PRR16: variants seen among roughly 807,000 people sequenced by gnomAD.
PRR16 encodes the protein protein Largen.
A neutral mutation model predicts 18.2 loss-of-function variants in PRR16; 6 were observed. The observed-to-expected ratio is 0.33, with a 90% CI of 0.18 to 0.65. PRR16 has a LOEUF of 0.65. PRR16 is among the 30% of genes least tolerant of loss of function. The pLI is 0.74. For missense variants in PRR16, 412 were observed against 376.6 expected (o/e 1.09, Z -0.78); for synonymous variants, 151 against 147.8 (o/e 1.02, Z -0.16).
At chr5:120,588,480 A>G (rs1561560691) in intron 1 of PRR16, among the ~76,000 whole-genome samples, 1 of 152,210 alleles carries the variant, frequency 6.6e-6, no homozygotes, top group Non-Finnish European at 1.5e-5. Context: ...GCTATTGCTA[A>G]CAAGGCAAGA....
chr5:120,714,339 G>A, the PRR16 span, among the ~76,000 whole-genome samples: 223 of 152,244 alleles, frequency 1.5e-3, no homozygotes, highest in Admixed American at 2.3e-3. Flanking sequence ...GACTTGGAGT[G>A]GGAGGTATAG....
At chr5:120,690,189 C>G (rs1446252677), downstream of PRR16, among the ~76,000 whole-genome samples, 1 of 152,126 alleles carries the variant, frequency 6.6e-6, no homozygotes, top group Non-Finnish European at 1.5e-5. Context: ...ATGACTAGAG[C>G]AGCAGCTACT....
At position 120,667,221 on chromosome 5, in the gene PRR16, G is replaced by C. The variant is rs185843705; in HGVS notation, c.160-18733G>C. On this transcript the variant is annotated intron_variant, in intron 1 of 1. Transcript: ENST00000407149. Reference sequence around the variant, plus strand: ...ATGTGTCGAGGAATTTATCCATTTAGATTTTCTAGTTTATTTGCGTAGAGG... The same window carrying C: ...ATGTGTCGAGGAATTTATCCATTTACATTTTCTAGTTTATTTGCGTAGAGG... Among the ~76,000 whole-genome samples the C allele has an allele frequency of 1.4e-4, 19 of 138,230 alleles. No individual in the cohort carries two copies. The East Asian group carries it at 3.7e-3, about 27-fold the overall frequency. The allele number at this position is 138,230 out of a possible 152,430, so 90.7% of individuals were successfully genotyped here. A position where few individuals can be genotyped will look rare whatever the true frequency, so the allele number is the denominator to read the frequency against.
chr5:120,766,726 A>AATAG, the PRR16 span, among the ~76,000 whole-genome samples: 1 of 151,984 alleles, frequency 6.6e-6, no homozygotes, highest in Non-Finnish European at 1.5e-5. Context: ...TTGGGTATAC[A>AATAG]ATAGATGATT....
At chr5:120,728,287 T>A in the PRR16 span, among the ~76,000 whole-genome samples, 1 of 150,948 alleles carries the variant, frequency 6.6e-6, no homozygotes, top group Non-Finnish European at 1.5e-5. Context: ...AATAGTTTGA[T>A]ATAGTAACAG....
chr5:120,674,345 G>C (rs1305063835), intron 1 of PRR16, among the ~76,000 whole-genome samples: 1 of 152,112 alleles, frequency 6.6e-6, no homozygotes, highest in Non-Finnish European at 1.5e-5. Flanking sequence ...TATTGTGCCA[G>C]AATATCTCGT....
rs1188619712 is a variant in PRR16, at chr5:120,686,152, C to G, written c.358C>G (p.Pro120Ala). ...TGCTATCCTCACGGTCCTGAGAAAGCCAAACCCTCCACCACCTCCTCCAAG... is the reference window on the plus strand; with the variant it reads ...TGCTATCCTCACGGTCCTGAGAAAGGCAAACCCTCCACCACCTCCTCCAAG... ...PSAILTVLRK[P>A]NPPPPPPRLT... Residue 120 changes from proline (P) to alanine (A), a missense_variant, in exon 2 of 2, where the codon CCA becomes GCA. By Grantham distance (27) the Pro-to-Ala change is conservative. Coordinates refer to ENST00000407149, the MANE Select transcript of PRR16 (RefSeq NM_001300783.2). The G allele has an allele frequency of 6.2e-7, 1 of 1,614,122 alleles. No individual in the cohort carries two copies. Among genetic ancestry groups the G allele is most frequent in the Non-Finnish European group, 8.5e-7 (1 of 1,179,992 alleles).
chr5:120,523,868 C>A lies in PRR16; in HGVS notation c.159+59223C>A, dbSNP rs570097941. ...CAGAAACACTCTAATAAAAGTGGGG[C>A]AAAGAAGAAATAGATAATTCAACCC... On this transcript the variant is annotated intron_variant, in intron 1 of 1. Coordinates refer to ENST00000407149, the MANE Select transcript of PRR16 (RefSeq NM_001300783.2). 2.6e-5 allele frequency among the ~76,000 whole-genome samples: 4 copies of A among 151,856 alleles called. No homozygotes were observed. In the East Asian group the frequency reaches 5.8e-4, roughly 22 times the overall value.
chr5:120,550,735 T>C (rs1488026745), intron 1 of PRR16, among the ~76,000 whole-genome samples: 1 of 152,056 alleles, frequency 6.6e-6, no homozygotes, highest in Non-Finnish European at 1.5e-5. Context: ...CATTATTTTG[T>C]GTTTTTCTTA....
chr5:120,501,626 T>C (rs1750456106), intron 1 of PRR16, among the ~76,000 whole-genome samples: 1 of 151,958 alleles, frequency 6.6e-6, no homozygotes, highest in Non-Finnish European at 1.5e-5. Context: ...TAGAAATGAG[T>C]GGAACTATCC....
chr5:120,575,172 G>A (rs527762974), intron 1 of PRR16, among the ~76,000 whole-genome samples: 1 of 152,064 alleles, frequency 6.6e-6, no homozygotes, highest in South Asian at 2.1e-4. Context: ...TATTATGCAT[G>A]GTTTCAGGCA....
the PRR16 span, among the ~76,000 whole-genome samples, chr5:120,756,869 A>G: frequency 1.3e-5 from 2 of 152,068 alleles, no homozygotes; most frequent in Non-Finnish European, 2.9e-5. Flanking sequence ...TTCTTTCCCA[A>G]GGACAATATC....
chr5:120,539,904 G>A (rs1200909628), intron 1 of PRR16, among the ~76,000 whole-genome samples: 2 of 152,008 alleles, frequency 1.3e-5, no homozygotes, highest in African/African-American at 4.8e-5. Context: ...CATTTTTAGA[G>A]TCTATTGTGT....
the PRR16 span, among the ~76,000 whole-genome samples, chr5:120,785,589 T>TTTTTTTTTTTTTTTTTTTTTTG: frequency 6.9e-6 from 1 of 144,098 alleles, no homozygotes. Context: ...TTTTTTTTTT[T>TTTTTTTTTTTTTTTTTTTTTTG]TGAGACAGAG....
intron 1 of PRR16, among the ~76,000 whole-genome samples, chr5:120,597,155 A>G (rs991330906): frequency 6.6e-6 from 1 of 151,462 alleles, no homozygotes; most frequent in Non-Finnish European, 1.5e-5. Flanking sequence ...CTCTCTTTTT[A>G]CATTGATTTA....
At chr5:120,479,038 A>G (rs921353120) in intron 1 of PRR16, among the ~76,000 whole-genome samples, 3 of 151,972 alleles carry the variant, frequency 2.0e-5, no homozygotes, top group African/African-American at 7.3e-5. Flanking sequence ...AGGTAATATC[A>G]CTCTGGCTTC....
At chr5:120,535,403 G>A (rs1751683383) in intron 1 of PRR16, among the ~76,000 whole-genome samples, 1 of 151,990 alleles carries the variant, frequency 6.6e-6, no homozygotes, top group South Asian at 2.1e-4. Flanking sequence ...ATAGTAATTT[G>A]TATACATGAT....
chr5:120,599,234 C>T (rs1268557528), intron 1 of PRR16, among the ~76,000 whole-genome samples: 2 of 151,566 alleles, frequency 1.3e-5, no homozygotes, highest in African/African-American at 4.8e-5. Context: ...TCCTTCCTAC[C>T]CCAGCTTTAA....
chr5:120,726,702 G>A, the PRR16 span, among the ~76,000 whole-genome samples: 1 of 152,008 alleles, frequency 6.6e-6, no homozygotes, highest in African/African-American at 2.4e-5. Flanking sequence ...TTACTCATTT[G>A]GAATGTAGGA....
Sources: gnomAD v4.1 joint callset for allele counts (sites outside exome capture counted in the v4.1 genomes callset) on GRCh38, gnomAD v4.1.1 for gene constraint, MANE v1.5 for transcripts, NCBI Gene and HGNC (gene_info 2026-07-23, HGNC 2026-07-21) for gene names.